Variants in AGAP1 observed in about 807,000 individuals in gnomAD.
The protein encoded by AGAP1 is arf-GAP with GTPase, ANK repeat and PH domain-containing protein 1.
AGAP1 carries 29 observed loss-of-function variants against 105.3 expected under a neutral mutation model. The observed-to-expected ratio is 0.28, with a 90% CI of 0.21 to 0.38. The LOEUF (loss-of-function observed/expected upper bound fraction) is 0.38. Ranked by LOEUF, AGAP1 falls within the 10% of genes least tolerant of loss-of-function variation. AGAP1 has a pLI of 1.00. For missense variants in AGAP1, 998 were observed against 1,165.1 expected, an observed-to-expected ratio of 0.86 and a Z score of 2.09; for synonymous variants, 509 against 485.9, an observed-to-expected ratio of 1.05 and a Z score of -0.63.
Position 236,005,835 on chromosome 2 carries a change from A to C in AGAP1, c.1646-30726A>C, listed in dbSNP as rs1465141770. Among the ~76,000 whole-genome samples, 1 of 152,198 alleles carries C rather than the reference A, an allele frequency of 6.6e-6. No homozygotes were observed. The highest frequency in any genetic ancestry group is 1.5e-5 in the Non-Finnish European group (1 of 68,044). On this transcript the variant is annotated intron_variant, in intron 13 of 17. Coordinates refer to ENST00000304032, the MANE Select transcript of AGAP1 (RefSeq NM_001037131.3). The surrounding 1 kb of genome is among the most constrained non-coding windows in gnomAD (Gnocchi z 4.1). ...GTCAAGGGTATATACCATCAACTTT[A>C]TTTATGGCTGCTGATGTTGACCTTG...
At chr2:235,502,351 T>A (rs1395855697) in intron 1 of AGAP1, among the ~76,000 whole-genome samples, 6 of 152,158 alleles carry the variant, frequency 3.9e-5, no homozygotes, top group Non-Finnish European at 8.8e-5. Flanking sequence ...TTGGGACATT[T>A]TCCGTAAAGA....
chr2:235,857,302 A>T (rs2048726463), intron 9 of AGAP1, among the ~76,000 whole-genome samples: 1 of 152,128 alleles, frequency 6.6e-6, no homozygotes, highest in Non-Finnish European at 1.5e-5. Flanking sequence ...GTGCCCGATG[A>T]TCTAAGGTGG....
At chr2:235,762,417 C>T (rs899182431) in intron 6 of AGAP1, among the ~76,000 whole-genome samples, 4 of 149,494 alleles carry the variant, frequency 2.7e-5, no homozygotes, top group Non-Finnish European at 4.5e-5. Context: ...AGGGGCATCC[C>T]TAAAGGTTGG....
chr2:236,054,834 C>T (rs1471166928), intron 16 of AGAP1, among the ~76,000 whole-genome samples: 3 of 152,166 alleles, frequency 2.0e-5, no homozygotes, highest in Non-Finnish European at 4.4e-5. Flanking sequence ...CCGAGCATGG[C>T]GGATTGATGC....
chr2:235,587,475 G>GGT (rs1357469536), intron 1 of AGAP1, among the ~76,000 whole-genome samples: 2 of 152,194 alleles, frequency 1.3e-5, no homozygotes, highest in Non-Finnish European at 2.9e-5. Context: ...CAACAGGCCG[G>GGT]GTGCGGTGGC....
At chr2:235,638,801 A>AG (rs1947096311) in intron 1 of AGAP1, among the ~76,000 whole-genome samples, 2 of 152,180 alleles carry the variant, frequency 1.3e-5, no homozygotes, top group Non-Finnish European at 1.5e-5. Context: ...ACCCAGGCGG[A>AG]GGGCTGGCGT....
At chr2:235,540,656 G>T (rs1397473657) in intron 1 of AGAP1, among the ~76,000 whole-genome samples, 1 of 152,198 alleles carries the variant, frequency 6.6e-6, no homozygotes, top group African/African-American at 2.4e-5. Context: ...GCAGTGCTGG[G>T]AGAGAGTAAT....
chr2:235,653,760 A>G (rs1448820808), intron 1 of AGAP1, among the ~76,000 whole-genome samples: 1 of 152,208 alleles, frequency 6.6e-6, no homozygotes, highest in Non-Finnish European at 1.5e-5. Context: ...GGCCTTATGT[A>G]TTAAAAACAA....
intron 1 of AGAP1, among the ~76,000 whole-genome samples, chr2:235,495,502 C>T (rs1306158376): frequency 6.6e-6 from 1 of 152,224 alleles, no homozygotes; most frequent in Non-Finnish European, 1.5e-5. Context: ...GGCAGGGCGT[C>T]CTCCAGCGGA....
intron 9 of AGAP1, among the ~76,000 whole-genome samples, chr2:235,831,820 A>G (rs951526224): frequency 2.0e-5 from 3 of 152,242 alleles, no homozygotes; most frequent in Non-Finnish European, 4.4e-5. Context: ...TCATTTGTGT[A>G]AATACCAAAG....
At chr2:235,629,915 C>T (rs935694985) in intron 1 of AGAP1, among the ~76,000 whole-genome samples, 5 of 150,058 alleles carry the variant, frequency 3.3e-5, no homozygotes, top group Middle Eastern at 3.2e-3. Flanking sequence ...GATAATGTGG[C>T]ATGAATAGAC....
At chr2:235,511,830 G>A (rs28694554) in intron 1 of AGAP1, among the ~76,000 whole-genome samples, 1 of 152,058 alleles carries the variant, frequency 6.6e-6, no homozygotes, top group Non-Finnish European at 1.5e-5. Flanking sequence ...GTGTGAATGT[G>A]TGTGTGAATG....
chr2:235,911,080 T>C (rs1479753992), intron 11 of AGAP1, among the ~76,000 whole-genome samples: 2 of 152,262 alleles, frequency 1.3e-5, no homozygotes, highest in Non-Finnish European at 2.9e-5. Context: ...TTCATTTTTA[T>C]AATTTTAAAT....
rs111955287 is a variant in AGAP1, at chr2:235,840,354, C to T, written c.1050+33023C>T. ...AAAGTGGCTTAGAGACATAACACGG[C>T]GACATTTATGTAGGGGCAGAGAAGA... On this transcript the variant is annotated intron_variant, in intron 9 of 17. Transcript: ENST00000304032. Among the ~76,000 whole-genome samples the T allele has an allele frequency of 4.4e-3, 667 of 152,338 alleles. 2 individuals are homozygous for T. The highest frequency in any genetic ancestry group is 0.015 in the African/African-American group (641 of 41,572).
chr2:235,589,496 C>G (rs1178906567), intron 1 of AGAP1, among the ~76,000 whole-genome samples: 1 of 152,182 alleles, frequency 6.6e-6, no homozygotes, highest in South Asian at 2.1e-4. Context: ...CATGAGCCAC[C>G]GCGCCAGTGC....
chr2:235,773,528 A>G (rs1575416643), intron 6 of AGAP1, among the ~76,000 whole-genome samples: 3 of 152,348 alleles, frequency 2.0e-5, no homozygotes, highest in Admixed American at 6.5e-5. Context: ...GAGCAGCCTC[A>G]GGTCCTTTTG....
intron 6 of AGAP1, among the ~76,000 whole-genome samples, chr2:235,767,072 G>C (rs1314949953): frequency 6.6e-6 from 1 of 151,894 alleles, no homozygotes; most frequent in Non-Finnish European, 1.5e-5. Context: ...CACCACGCCT[G>C]GCTAATTTTT....
Position 235,900,643 on chromosome 2 carries a change from G to T in AGAP1, c.1156-8095G>T, listed in dbSNP as rs924712777. On this transcript the variant is annotated intron_variant, in intron 10 of 17. Transcript: ENST00000304032. The surrounding 1 kb of genome is among the most constrained non-coding windows in gnomAD (Gnocchi z 5.5). ...CTTTGCCTCAGCCCTGCAAAGTATT[G>T]TCACCTAGTTGGCATTGTAATTGTG... 6.6e-6 allele frequency among the ~76,000 whole-genome samples: 1 copy of T among 152,130 alleles called. No homozygotes were observed. Among genetic ancestry groups the T allele is most frequent in the East Asian group, 1.9e-4 (1 of 5,192 alleles).
At chr2:235,591,331 T>C (rs1177148843) in intron 1 of AGAP1, among the ~76,000 whole-genome samples, 1 of 152,196 alleles carries the variant, frequency 6.6e-6, no homozygotes. Flanking sequence ...TTTTAAGTTA[T>C]GTAAACAGCA....
Sources: gnomAD v4.1 joint callset for allele counts (sites outside exome capture counted in the v4.1 genomes callset) on GRCh38, gnomAD v4.1.1 for gene constraint, Gnocchi (gnomAD v3.1) non-coding constraint, MANE v1.5 for transcripts, NCBI Gene and HGNC (gene_info 2026-07-23, HGNC 2026-07-21) for gene names.